Variants in UCK2 observed in about 807,000 individuals in gnomAD.
UCK2 encodes cytidine monophosphokinase 2.
In UCK2, 6 loss-of-function variants were observed where a neutral mutation model predicts 30.8. The ratio of observed to expected loss-of-function variants is 0.19; its 90% confidence interval spans 0.11 to 0.38. The LOEUF (loss-of-function observed/expected upper bound fraction) is 0.38. Among genes scored for constraint, UCK2 ranks in the 10% least tolerant of loss-of-function variants. UCK2 has a pLI of 1.00. For synonymous variants in UCK2, 125 were observed against 133.6 expected (o/e 0.94, Z 0.45); for missense variants, 210 against 339.8 (o/e 0.62, Z 3.00).
rs1252958366 is a variant in UCK2, at chr1:165,910,984, T to A, written c.*3161T>A. 1 of 152,406 alleles carries A rather than the reference T, an allele frequency of 6.6e-6. No individual in the cohort carries two copies. Among genetic ancestry groups the A allele is most frequent in the East Asian group, 1.9e-4 (1 of 5,198 alleles). 9.4% of individuals were successfully genotyped at this position (152,406 alleles called of 1,614,324 possible). On this transcript the variant is annotated 3_prime_UTR_variant, in exon 7 of 7. Coordinates refer to ENST00000367879, the MANE Select transcript of UCK2 (RefSeq NM_012474.5). ...GCAGCAGGAGGGCCGGAAGCCTGGT[T>A]GGTTTGTATATGACCTCTCTTGCCC... is the stretch of plus-strand genomic sequence containing the variant.
chr1:165,847,867 C>G (rs1654490456), intron 1 of UCK2, among the ~76,000 whole-genome samples: 3 of 152,140 alleles, frequency 2.0e-5, no homozygotes, highest in African/African-American at 7.2e-5. Flanking sequence ...ACTCTTGGCT[C>G]ACTACCTCTG....
At chr1:165,844,812 TG>T (rs1163915085) in intron 1 of UCK2, among the ~76,000 whole-genome samples, 1 of 152,012 alleles carries the variant, frequency 6.6e-6, no homozygotes, top group Non-Finnish European at 1.5e-5. Context: ...GCAGAACAGG[TG>T]GGGGTTCCTG....
At chr1:165,875,909 G>T (rs1038100293) in intron 1 of UCK2, among the ~76,000 whole-genome samples, 20 of 152,078 alleles carry the variant, frequency 1.3e-4, no homozygotes, top group Admixed American at 5.9e-4. Context: ...AGCCCTCTCA[G>T]GGGAGGGTTT....
intron 1 of UCK2, among the ~76,000 whole-genome samples, chr1:165,844,622 A>G (rs966150233): frequency 6.6e-6 from 1 of 152,114 alleles, no homozygotes; most frequent in Non-Finnish European, 1.5e-5. Context: ...AAGGGAACGA[A>G]CCGCGTGATT....
chr1:165,827,705 G>A lies in UCK2; in HGVS notation c.-129G>A, dbSNP rs1653919854. 1 of 813,916 alleles carries A rather than the reference G, an allele frequency of 1.2e-6. No individual in the cohort carries two copies. The highest frequency in any genetic ancestry group is 4.4e-5 in the Admixed American group (1 of 22,688). 50.4% of individuals were successfully genotyped at this position (813,916 alleles called of 1,614,324 possible). ...ACCGGGCTCCGAGCGGCTCGCAGGC[G>A]AGCGACAGCGGCCTCAGCCCCGGCA... On this transcript the variant is annotated 5_prime_UTR_variant, in exon 1 of 7. Coordinates refer to ENST00000367879, the MANE Select transcript of UCK2 (RefSeq NM_012474.5).
intron 2 of UCK2, chr1:165,890,716 C>T: frequency 3.5e-6 from 1 of 283,976 alleles, no homozygotes; most frequent in Non-Finnish European, 6.8e-6. Flanking sequence ...CTCAGGTGTA[C>T]ATGTGTGTTC....
intron 1 of UCK2, among the ~76,000 whole-genome samples, chr1:165,832,809 G>T (rs1421262965): frequency 1.3e-5 from 2 of 151,948 alleles, no homozygotes; most frequent in Admixed American, 6.6e-5. Context: ...GGCCAGGCTG[G>T]TCTCATCTTC....
chr1:165,892,841 T>G (rs1341149068), intron 3 of UCK2: 2 of 152,450 alleles, frequency 1.3e-5, no homozygotes, highest in Non-Finnish European at 1.5e-5. Flanking sequence ...GGGAAAGGGA[T>G]TTCCAAGGTG....
At chr1:165,876,077 A>G (rs1471154102) in intron 1 of UCK2, among the ~76,000 whole-genome samples, 3 of 152,264 alleles carry the variant, frequency 2.0e-5, no homozygotes, top group African/African-American at 4.8e-5. Flanking sequence ...GTTGAAAACC[A>G]TTATAAATCA....
intron 1 of UCK2, among the ~76,000 whole-genome samples, chr1:165,871,391 G>A (rs1655193386): frequency 6.6e-6 from 1 of 152,198 alleles, no homozygotes; most frequent in Non-Finnish European, 1.5e-5. Context: ...CATGTGTGCA[G>A]CTGTGGGCTA....
chr1:165,898,122 G>C (rs1451355358), intron 4 of UCK2: 3 of 152,188 alleles, frequency 2.0e-5, no homozygotes, highest in Non-Finnish European at 4.4e-5. Flanking sequence ...CCCTGCTTTG[G>C]TTGATCTGCT....
chr1:165,859,666 A>T (rs1654845513), intron 1 of UCK2, among the ~76,000 whole-genome samples: 1 of 152,074 alleles, frequency 6.6e-6, no homozygotes, highest in Non-Finnish European at 1.5e-5. Flanking sequence ...CTACAAAAAA[A>T]CCCACAAAAA....
chr1:165,835,438 C>T (rs1473516179), intron 1 of UCK2, among the ~76,000 whole-genome samples: 2 of 150,868 alleles, frequency 1.3e-5, no homozygotes, highest in East Asian at 1.9e-4. Flanking sequence ...TGGCCTCAAG[C>T]GGTCGTCCTG....
chr1:165,827,999 G>A (rs1653934604), intron 1 of UCK2, 67 bp downstream of exon 1: 2 of 1,181,650 alleles, frequency 1.7e-6, no homozygotes, highest in Non-Finnish European at 2.1e-6. Context: ...TGTGGCCGGC[G>A]GCCGCGGGCC....
chr1:165,890,509 T>C (rs1005519163), intron 2 of UCK2, 146 bp downstream of exon 2: 3 of 786,978 alleles, frequency 3.8e-6, no homozygotes, highest in East Asian at 5.4e-5. Context: ...TGCAGTGTTA[T>C]TGTGGGGCTT....
At chr1:165,848,458 C>T (rs1263956325) in intron 1 of UCK2, among the ~76,000 whole-genome samples, 1 of 152,050 alleles carries the variant, frequency 6.6e-6, no homozygotes, top group Non-Finnish European at 1.5e-5. Flanking sequence ...ATGGTGAAAA[C>T]CCATCTCTAC....
intron 1 of UCK2, among the ~76,000 whole-genome samples, chr1:165,869,205 A>G (rs992340212): frequency 6.6e-6 from 1 of 152,190 alleles, no homozygotes; most frequent in African/African-American, 2.4e-5. Flanking sequence ...AGATCACCAT[A>G]ACATATAATA....
chr1:165,890,216 G>T lies in UCK2; in HGVS notation c.112G>T (p.Ala38Ser), dbSNP rs1655731653. 1.9e-6 allele frequency: 3 copies of T among 1,613,988 alleles called. No homozygotes were observed. The highest frequency in any genetic ancestry group is 2.2e-5 in the East Asian group (1 of 44,890). The change falls in exon 2 of 7, where the codon GCT (alanine) becomes TCT (serine). Residue 38 changes from alanine to serine, a missense_variant. Transcript: ENST00000367879. The part of the protein sequence containing the change: ...GTASGKSSVC[A>S]KIVQLLGQNE... ...TCTCTCCTCACAGTCTTCCGTGTGTGCTAAGATCGTGCAGCTCCTGGGGCA... is the reference window on the plus strand; with the variant it reads ...TCTCTCCTCACAGTCTTCCGTGTGTTCTAAGATCGTGCAGCTCCTGGGGCA...
chr1:165,895,964 C>T (rs1000504191), intron 3 of UCK2: 1 of 498,572 alleles, frequency 2.0e-6, no homozygotes. Flanking sequence ...GGTGAAAGCT[C>T]AGAAGTGGTC....
Sources: gnomAD v4.1 joint callset for allele counts (sites outside exome capture counted in the v4.1 genomes callset) on GRCh38, gnomAD v4.1.1 for gene constraint, MANE v1.5 for transcripts, NCBI Gene and HGNC (gene_info 2026-07-23, HGNC 2026-07-21) for gene names.